Variants in ZDHHC11B observed in about 807,000 individuals in gnomAD.
ZDHHC11B encodes the protein probable palmitoyltransferase ZDHHC11B.
A neutral mutation model predicts 42.3 loss-of-function variants in ZDHHC11B; 17 were observed. The ratio of observed to expected loss-of-function variants is 0.40; its 90% CI spans 0.27 to 0.60. The LOEUF is 0.60. Among genes scored for constraint, ZDHHC11B ranks in the 20% least tolerant of loss-of-function variants. The pLI, the probability that ZDHHC11B is intolerant of heterozygous loss-of-function variation, is 0.41. For missense variants in ZDHHC11B, 262 were observed against 463.2 expected, an observed-to-expected ratio of 0.57 and a Z score of 3.99; for synonymous variants, 123 against 193.5, an observed-to-expected ratio of 0.64 and a Z score of 3.02.
intron 13 of ZDHHC11B, among the ~76,000 whole-genome samples, chr5:715,608 A>G (rs1741690172): frequency 1.3e-5 from 2 of 151,648 alleles, no homozygotes; most frequent in Non-Finnish European, 2.9e-5. Flanking sequence ...TCTCATCTCA[A>G]CTTGTCTCCA....
chr5:764,516 G>C (rs1328555263), intron 4 of ZDHHC11B, among the ~76,000 whole-genome samples: 1 of 151,952 alleles, frequency 6.6e-6, no homozygotes, highest in Non-Finnish European at 1.5e-5. Context: ...GCCAGCAGCT[G>C]TGGAGGGTGC....
chr5:767,616 C>T (rs111323319), intron 2 of ZDHHC11B, 92 bp from the exon 3 acceptor site: 22,972 of 1,021,200 alleles, frequency 0.022, 492 homozygotes, highest in Admixed American at 0.058. Context: ...GCTGAGGGAC[C>T]GCCTGGCTGG....
At chr5:765,702 T>C (rs1735209612) in intron 4 of ZDHHC11B, among the ~76,000 whole-genome samples, 1 of 151,918 alleles carries the variant, frequency 6.6e-6, no homozygotes, top group South Asian at 2.1e-4. Context: ...TTATGAGCTC[T>C]AACACTCGCA....
rs149660305 is a variant in ZDHHC11B, at chr5:758,515, G to A, written c.223-2371C>T. On this transcript the variant is annotated intron_variant, in intron 4 of 13. Transcript: ENST00000508859. ...CTAACCGGGACCCATTGACTTCCCT[G>A]TGGAGGAGCTCAGGGCTGTCCTGAG... 8.1e-3 allele frequency among the ~76,000 whole-genome samples: 1,230 copies of A among 151,704 alleles called. 36 individuals are homozygous for A. The highest frequency in any genetic ancestry group is 0.028 in the African/African-American group (1,143 of 41,234).
chr5:714,030 G>A (rs1312065955), intron 13 of ZDHHC11B, among the ~76,000 whole-genome samples: 2 of 137,464 alleles, frequency 1.5e-5, no homozygotes, highest in Non-Finnish European at 3.3e-5. Context: ...TTCAACCCTG[G>A]CCTGAGAATT....
chr5:773,254 A>G (rs1220267576), intron 1 of ZDHHC11B, among the ~76,000 whole-genome samples: 1 of 151,950 alleles, frequency 6.6e-6, no homozygotes, highest in Non-Finnish European at 1.5e-5. Context: ...TTGGATGGGC[A>G]GAGGCCAGGT....
chr5:720,234 G>C (rs1202817229), intron 12 of ZDHHC11B, among the ~76,000 whole-genome samples: 1 of 151,840 alleles, frequency 6.6e-6, no homozygotes. Flanking sequence ...CAGTTAGATT[G>C]TCAAGGCATA....
chr5:740,970 G>A (rs551319522), intron 10 of ZDHHC11B, among the ~76,000 whole-genome samples: 1,789 of 96,014 alleles, frequency 0.019, 138 homozygotes, highest in African/African-American at 0.051. Flanking sequence ...GAGCGACAGC[G>A]TTGAATGAAG....
At chr5:728,995 A>G (rs1742799863) in intron 12 of ZDHHC11B, among the ~76,000 whole-genome samples, 1 of 147,762 alleles carries the variant, frequency 6.8e-6, no homozygotes, top group South Asian at 2.2e-4. Context: ...CCTGGGTGAC[A>G]GAGAAAGACC....
rs1167325156 is a variant in ZDHHC11B, at chr5:776,102, C to T, written c.-229-7172G>A. On this transcript the variant is annotated intron_variant, in intron 1 of 13. Transcript: ENST00000508859. ...AGTCCTGTCCAGGGGGAGCACCCTC[C>T]ACCCCAGGCTGGCTGCCATCACAGC... is the stretch of plus-strand genomic sequence containing the variant. 2.7e-5 allele frequency among the ~76,000 whole-genome samples: 4 copies of T among 150,428 alleles called. No homozygotes were observed. In the East Asian group the frequency reaches 5.8e-4, roughly 22 times the overall value.
intron 1 of ZDHHC11B, among the ~76,000 whole-genome samples, chr5:777,613 A>G (rs1736632720): frequency 1.3e-5 from 2 of 151,932 alleles, no homozygotes; most frequent in Non-Finnish European, 2.9e-5. Context: ...CATCCTGCTG[A>G]TTGGCCCATT....
At chr5:767,204 T>C (rs1266418244) in intron 3 of ZDHHC11B, among the ~76,000 whole-genome samples, 188 bp downstream of exon 3, 1 of 151,974 alleles carries the variant, frequency 6.6e-6, no homozygotes, top group Non-Finnish European at 1.5e-5. Flanking sequence ...TGGAGGACCC[T>C]GGGCAGAGGA....
At chr5:774,213 T>G (rs419777) in intron 1 of ZDHHC11B, among the ~76,000 whole-genome samples, 1 of 142,600 alleles carries the variant, frequency 7.0e-6, no homozygotes, top group Admixed American at 7.1e-5. Context: ...TCCTGGGAAA[T>G]GCCTTCAGAC....
At chr5:780,833 G>A (rs76263179) in intron 1 of ZDHHC11B, among the ~76,000 whole-genome samples, 85 of 152,058 alleles carry the variant, frequency 5.6e-4, no homozygotes, top group East Asian at 1.9e-3. Context: ...CCACCCCGCC[G>A]AGGGGCAGAG....
intron 12 of ZDHHC11B, among the ~76,000 whole-genome samples, chr5:719,103 C>T (rs1457188401): frequency 1.3e-5 from 2 of 151,742 alleles, no homozygotes; most frequent in Non-Finnish European, 2.9e-5. Flanking sequence ...ACTTCAGTGA[C>T]AAGAAATACA....
At chr5:723,915 G>A (rs982697244) in intron 12 of ZDHHC11B, among the ~76,000 whole-genome samples, 8 of 139,592 alleles carry the variant, frequency 5.7e-5, no homozygotes, top group Admixed American at 1.4e-4. Flanking sequence ...GAGGGAGCAC[G>A]CAGGACATCT....
chr5:746,867 G>A (rs1744903445), intron 8 of ZDHHC11B, among the ~76,000 whole-genome samples: 1 of 134,434 alleles, frequency 7.4e-6, no homozygotes, highest in South Asian at 3.1e-4. Flanking sequence ...TGGGCAGTTT[G>A]AGCATCCCTT....
At chr5:770,852 G>A (rs1309202266) in intron 1 of ZDHHC11B, among the ~76,000 whole-genome samples, 1 of 151,940 alleles carries the variant, frequency 6.6e-6, no homozygotes, top group Non-Finnish European at 1.5e-5. Flanking sequence ...CGCCCCCAGA[G>A]CAGGTGGCTG....
In ZDHHC11B at chr5:762,330, C is replaced by T. The variant is rs577155901; in HGVS notation, c.222+4368G>A. ...CCCAGACAGCCACCTACAAACAAGA[C>T]GCAGGTTGCAAGAGGGATGCAGCAA... is the stretch of plus-strand genomic sequence containing the variant. On this transcript the variant is annotated intron_variant, in intron 4 of 13. Transcript: ENST00000508859. Among the ~76,000 whole-genome samples, 12 of 152,004 alleles carry T rather than the reference C, an allele frequency of 7.9e-5. 1 individual carries two copies. Among genetic ancestry groups the T allele is most frequent in the East Asian group, 3.9e-4 (2 of 5,182 alleles).
Sources: gnomAD v4.1 joint callset for allele counts (sites outside exome capture counted in the v4.1 genomes callset) on GRCh38, gnomAD v4.1.1 for gene constraint, MANE v1.5 for transcripts, NCBI Gene and HGNC (gene_info 2026-07-23, HGNC 2026-07-21) for gene names.